Variants in ITSN2 observed in about 807,000 individuals in gnomAD.
ITSN2 encodes the protein intersectin-2.
Under a neutral mutation model 243.7 loss-of-function variants are expected in ITSN2, and 156 were observed. The ratio of observed to expected loss-of-function variants is 0.64; its 90% CI spans 0.56 to 0.73. The LOEUF (loss-of-function observed/expected upper bound fraction) is 0.73, where lower values mean the gene tolerates loss of function less well. ITSN2 is among the 30% of genes least tolerant of loss of function. The pLI is 0.00. For missense variants in ITSN2, 1,801 were observed against 1,996.1 expected (o/e 0.90, Z 1.86); for synonymous variants, 703 against 699.9 (o/e 1.00, Z -0.07).
At chr2:24,212,295 G>GTCTT (rs1669562855) in intron 33 of ITSN2, among the ~76,000 whole-genome samples, 1 of 152,180 alleles carries the variant, frequency 6.6e-6, no homozygotes, top group Non-Finnish European at 1.5e-5. Context: ...GGTTACTCTG[G>GTCTT]TCTTTCTCTG....
At position 24,270,608 on chromosome 2, in the gene ITSN2, A is replaced by G. The variant is rs1677218760; in HGVS notation, c.2355+63T>C. The G allele has an allele frequency of 1.6e-5, 13 of 789,810 alleles. No homozygotes were observed. The South Asian group carries it at 2.1e-4, about 13-fold the overall frequency. The allele number at this position is 789,810 out of a possible 1,614,324, so 48.9% of individuals were successfully genotyped here. A position where few individuals can be genotyped will look rare whatever the true frequency, so the allele number is the denominator to read the frequency against. ...TGAAATTAATGGTCAACATTACTACAGAAACTAATATATTACAATGTATTT... is the reference window on the plus strand; with the variant it reads ...TGAAATTAATGGTCAACATTACTACGGAAACTAATATATTACAATGTATTT... On this transcript the variant is annotated intron_variant, in intron 20 of 39. Coordinates refer to ENST00000355123, the MANE Select transcript of ITSN2 (RefSeq NM_006277.3).
At chr2:24,304,556 G>A (rs570026535) in intron 8 of ITSN2, among the ~76,000 whole-genome samples, 3 of 151,956 alleles carry the variant, frequency 2.0e-5, no homozygotes, top group East Asian at 1.9e-4. Flanking sequence ...TCACAGCCTC[G>A]CCCTATTAAT....
At chr2:24,305,576 C>CAAAAAAAAAAAAAA (rs537945691) in intron 8 of ITSN2, among the ~76,000 whole-genome samples, 5 of 40,880 alleles carry the variant, frequency 1.2e-4, no homozygotes, top group African/African-American at 2.8e-4. Flanking sequence ...GACTCTGTCT[C>CAAAAAAAAAAAAAA]AAAAAAAAAA....
Position 24,310,369 on chromosome 2 carries a change from C to T in ITSN2, c.568G>A (p.Gly190Arg), listed in dbSNP as rs772533023. ...CCCATCATCAGACTATAAGATGACC[C>T]ATGAGGCAATGCTAAAAAAGAAAAA... is the stretch of plus-strand genomic sequence containing the variant. ...IPYSSSTLPH[G>R]SSYSLMMGGF... The change falls in exon 7 of 40, where the codon GGG becomes AGG. Residue 190 changes from glycine (G) to arginine (R), a missense_variant. Transcript: ENST00000355123. 7.4e-6 allele frequency: 12 copies of T among 1,612,912 alleles called. No individual in the cohort carries two copies. Among genetic ancestry groups the T allele is most frequent in the Admixed American group, 1.7e-5 (1 of 59,850 alleles).
At chr2:24,251,325 T>TAAAAAAAA (rs1165033997) in intron 25 of ITSN2, among the ~76,000 whole-genome samples, 1 of 3,402 alleles carries the variant, frequency 2.9e-4, no homozygotes, top group East Asian at 0.017. Flanking sequence ...AAAAAAAAAA[T>TAAAAAAAA]AAAATATATA....
intron 2 of ITSN2, among the ~76,000 whole-genome samples, chr2:24,325,637 T>C (rs1287676262): frequency 1.3e-5 from 2 of 152,204 alleles, no homozygotes; most frequent in Non-Finnish European, 2.9e-5. Flanking sequence ...AGTTTAGGGG[T>C]TGATGTCTAA....
chr2:24,203,518 G>T lies in ITSN2; in HGVS notation c.*108C>A. On this transcript the variant is annotated 3_prime_UTR_variant, in exon 40 of 40. Transcript: ENST00000355123. ...CAGAGCCCCCAGCGTGCATGGCTTT[G>T]TGAGGGGTGAAGCTGCATGGTGCTC... 2 of 1,129,552 alleles carry T rather than the reference G, an allele frequency of 1.8e-6. No homozygotes were observed. Among genetic ancestry groups the T allele is most frequent in the Non-Finnish European group, 1.2e-6 (1 of 808,264 alleles). 70.0% of individuals were successfully genotyped at this position (1,129,552 alleles called of 1,614,324 possible). A position where few individuals can be genotyped will look rare whatever the true frequency, so the allele number is the denominator to read the frequency against.
intron 23 of ITSN2, among the ~76,000 whole-genome samples, chr2:24,256,549 C>T (rs1260054113): frequency 6.6e-6 from 1 of 152,092 alleles, no homozygotes; most frequent in Non-Finnish European, 1.5e-5. Flanking sequence ...TACTTATTTC[C>T]TTGTATTATT....
rs373396068 is a variant in ITSN2, at chr2:24,210,014, A to G, written c.4277T>C (p.Leu1426Pro). ...CTTCCGGGGCCCCAGGCAGTTGGTGAGAGAGTTGAAAATAAGTTGCTTAAA... is the reference window on the plus strand; with the variant it reads ...CTTCCGGGGCCCCAGGCAGTTGGTGGGAGAGTTGAAAATAAGTTGCTTAAA... ...GLAEQLIFNSLTNCLGPRKLL... is the reference protein window; with the variant it reads ...GLAEQLIFNSPTNCLGPRKLL... The change falls in exon 35 of 40, where the codon CTC becomes CCC. Residue 1426 changes from leucine (L) to proline (P), a missense_variant. By Grantham distance (98) the Leu-to-Pro change is moderately conservative (BLOSUM62 -3). Coordinates refer to ENST00000355123, the MANE Select transcript of ITSN2 (RefSeq NM_006277.3). The G allele has an allele frequency of 2.5e-6, 4 of 1,613,364 alleles. No homozygotes were observed. Among genetic ancestry groups the G allele is most frequent in the African/African-American group, 2.7e-5 (2 of 74,834 alleles).
intron 29 of ITSN2, among the ~76,000 whole-genome samples, chr2:24,222,942 C>T (rs1670626745): frequency 6.6e-6 from 1 of 152,140 alleles, no homozygotes; most frequent in South Asian, 2.1e-4. Flanking sequence ...TCCCAAAGTG[C>T]TGGGATTACA....
intron 12 of ITSN2, among the ~76,000 whole-genome samples, chr2:24,299,680 C>CAG (rs1227141202): frequency 6.6e-6 from 1 of 152,214 alleles, no homozygotes; most frequent in African/African-American, 2.4e-5. Flanking sequence ...ATATCACCTG[C>CAG]AGAGGATGCT....
Position 24,204,465 on chromosome 2 carries a change from C to T in ITSN2, c.4763-47G>A, listed in dbSNP as rs755854911. 1.2e-5 allele frequency: 18 copies of T among 1,564,990 alleles called. No homozygotes were observed. The highest frequency in any genetic ancestry group is 1.0e-4 in the Admixed American group (6 of 59,952). ...ACACATGTGGTGCATGCAGGTAAAA[C>T]GAAGCGACTGACAGTGCCCTCCCTG... On this transcript the variant is annotated intron_variant, in intron 38 of 39. Coordinates refer to ENST00000355123, the MANE Select transcript of ITSN2 (RefSeq NM_006277.3). This position sits in a 1 kb window ranked among gnomAD's most constrained non-coding sequence, Gnocchi z 5.1.
chr2:24,205,856 A>G (rs1668810236), intron 37 of ITSN2, among the ~76,000 whole-genome samples: 1 of 152,226 alleles, frequency 6.6e-6, no homozygotes, highest in Non-Finnish European at 1.5e-5. Flanking sequence ...TTTAAACTGC[A>G]TAATTACCTG....
chr2:24,320,277 T>C (rs989302058), intron 2 of ITSN2, among the ~76,000 whole-genome samples: 2 of 151,802 alleles, frequency 1.3e-5, no homozygotes, highest in African/African-American at 4.8e-5. Context: ...CCCAGCACTT[T>C]GGGAGGCCGA....
chr2:24,330,336 G>C (rs1346740267), intron 1 of ITSN2: 3 of 477,266 alleles, frequency 6.3e-6, no homozygotes, highest in African/African-American at 2.0e-5. Flanking sequence ...ACCCCGGACT[G>C]ACCAAAGCCT....
At chr2:24,259,430 CT>C (rs1260526734) in intron 22 of ITSN2, among the ~76,000 whole-genome samples, 1 of 152,192 alleles carries the variant, frequency 6.6e-6, no homozygotes, top group African/African-American at 2.4e-5. Flanking sequence ...CTAATCCAGA[CT>C]TTATGTTAGT....
intron 34 of ITSN2, 61 bp downstream of exon 34, chr2:24,210,719 G>T (rs569347426): frequency 3.0e-5 from 45 of 1,524,482 alleles, no homozygotes; most frequent in Admixed American, 2.1e-4. Flanking sequence ...GGGAAGGCTC[G>T]GAGCTGGTTC....
At position 24,216,160 on chromosome 2, in the gene ITSN2, A is replaced by G. The variant is rs144326000; in HGVS notation, c.3879T>C (p.Ala1293=). 103 of 1,612,772 alleles carry G rather than the reference A, an allele frequency of 6.4e-5. No homozygotes were observed. Among genetic ancestry groups the G allele is most frequent in the Non-Finnish European group, 8.6e-5 (101 of 1,179,406 alleles). ...TGTAAGCCTGCATGTGGGACAGCTC[A>G]GCGGCCAGGATGTCCCCAATCATCT... ...PVQMIGDILA[A]ELSHMQAYIR... The change falls in exon 32 of 40, where the codon GCT becomes GCC. Residue 1293 remains alanine, a synonymous_variant. Transcript: ENST00000355123.
chr2:24,335,863 C>T lies in ITSN2; in HGVS notation c.-33-7748G>A, dbSNP rs182968286. Among the ~76,000 whole-genome samples the T allele has an allele frequency of 2.3e-3, 353 of 152,020 alleles. 1 individual carries two copies. Among genetic ancestry groups the T allele is most frequent in the Non-Finnish European group, 4.4e-3 (299 of 67,962 alleles). On this transcript the variant is annotated intron_variant, in intron 1 of 39. Coordinates refer to ENST00000355123, the MANE Select transcript of ITSN2 (RefSeq NM_006277.3). ...ATGTTGGCCAGGCTGGTCTCAAACT[C>T]CTGACCTCAGGTGATCTGCCCGCCT...
Sources: gnomAD v4.1 joint callset for allele counts (sites outside exome capture counted in the v4.1 genomes callset) on GRCh38, gnomAD v4.1.1 for gene constraint, Gnocchi (gnomAD v3.1) non-coding constraint, MANE v1.5 for transcripts, NCBI Gene and HGNC (gene_info 2026-07-23, HGNC 2026-07-21) for gene names.